Variants in HPS1 observed in about 807,000 individuals in gnomAD.
HPS1 encodes HPS1 biogenesis of lysosomal organelles complex 3 subunit 1.
In HPS1, 59 loss-of-function variants were observed where a neutral mutation model predicts 90.6. The ratio of observed to expected loss-of-function variants is 0.65; its 90% confidence interval spans 0.53 to 0.81. HPS1 has a LOEUF of 0.81. Ranked by LOEUF, HPS1 falls within the 30% of genes least tolerant of loss-of-function variation. HPS1 has a pLI of 0.00. For missense variants in HPS1, 849 were observed against 896.7 expected (o/e 0.95, Z 0.68); for synonymous variants, 388 against 384.4 (o/e 1.01, Z -0.11).
Position 98,435,379 on chromosome 10 carries a change from G to T in HPS1, c.291C>A (p.Asp97Glu). The change falls in exon 5 of 20, where the codon GAC becomes GAA. Residue 97 changes from aspartate (D) to glutamate (E), a missense_variant. Physicochemically the swap from Asp to Glu is conservative, Grantham distance 45. Transcript: ENST00000361490. The surrounding 1 kb of genome is among the most constrained non-coding windows in gnomAD (Gnocchi z 4.3). ...GECLFIAING[D>E]HTESEGDLRR... ...GCAGGTCCCCCTCGCTCTCGGTGTG[G>T]TCACCATTGATGGCAATGAACAGGC... 1 of 1,613,906 alleles carries T rather than the reference G, an allele frequency of 6.2e-7. No homozygotes were observed. The highest frequency in any genetic ancestry group is 8.5e-7 in the Non-Finnish European group (1 of 1,180,006).
intron 10 of HPS1, 100 bp from the exon 11 acceptor site, chr10:98,427,364 C>T (rs2136171311): frequency 1.0e-6 from 1 of 993,064 alleles, no homozygotes; most frequent in East Asian, 2.6e-5. Flanking sequence ...CCCACAACCT[C>T]AGCCCTTGGC....
chr10:98,435,557 G>A lies in HPS1; in HGVS notation c.255+78C>T. ...TTTCTGCCTTCTAAAGGAGTCTAAA[G>A]TTCCAAATAAGAGAGGCCTGTGGAC... On this transcript the variant is annotated intron_variant, in intron 4 of 19. Coordinates refer to ENST00000361490, the MANE Select transcript of HPS1 (RefSeq NM_000195.5). This position sits in a 1 kb window ranked among gnomAD's most constrained non-coding sequence, Gnocchi z 4.3. 1 of 1,609,646 alleles carries A rather than the reference G, an allele frequency of 6.2e-7. No homozygotes were observed.
Position 98,417,613 on chromosome 10 carries a change from C to T in HPS1, c.2054G>A (p.Gly685Asp). Residue 685 changes from glycine (G) to aspartate (D), a missense_variant, in exon 20 of 20, where the codon GGC becomes GAC. Gly to Asp is a moderately conservative substitution (Grantham distance 94, BLOSUM62 -1). Transcript: ENST00000361490. The surrounding 1 kb of genome is among the most constrained non-coding windows in gnomAD (Gnocchi z 4.2). The part of the protein sequence containing the change: ...IPTDLLVQQA[G>D]QLARRLWEAS... ...CTCCCAGAGGCGCCGGGCCAGCTGG[C>T]CGGCCTGCTGCACCAGCAGGTCAGT... The T allele has an allele frequency of 6.2e-7, 1 of 1,612,704 alleles. No homozygotes were observed. The highest frequency in any genetic ancestry group is 1.7e-5 in the Admixed American group (1 of 59,984).
At chr10:98,442,436 A>C (rs1357502528) in intron 3 of HPS1, 2 of 155,204 alleles carry the variant, frequency 1.3e-5, no homozygotes, top group Non-Finnish European at 2.9e-5. Context: ...CAAATTATGC[A>C]CTTTAAATAT....
intron 10 of HPS1, 37 bp from the exon 11 acceptor site, chr10:98,427,301 C>T (rs1845743948): frequency 2.6e-6 from 4 of 1,525,954 alleles, no homozygotes; most frequent in Non-Finnish European, 3.6e-6. Context: ...GATGTAAGTA[C>T]CATGAGATGT....
downstream of HPS1, chr10:98,415,219 G>A: frequency 6.6e-7 from 1 of 1,505,506 alleles, no homozygotes; most frequent in South Asian, 1.3e-5. Flanking sequence ...GTGGAGCAGG[G>A]AGGAAGCAGG....
chr10:98,421,902 A>G (rs1198825476), intron 17 of HPS1, among the ~76,000 whole-genome samples: 1 of 151,838 alleles, frequency 6.6e-6, no homozygotes, highest in Non-Finnish European at 1.5e-5. Flanking sequence ...CCATCTTCCC[A>G]TCTTGTTTTA....
rs909944821 is a variant in HPS1 at position 98,429,124 on chromosome 10, G to A, written c.937+449C>T. On this transcript the variant is annotated intron_variant, in intron 10 of 19. Coordinates refer to ENST00000361490, the MANE Select transcript of HPS1 (RefSeq NM_000195.5). ...CCCAAAGTGCTGGGATTACAGGCGT[G>A]AGCCACCACACCTCAACCATTTTGA... 11 of 940,552 alleles carry A rather than the reference G, an allele frequency of 1.2e-5. No individual in the cohort carries two copies. In the South Asian group the frequency reaches 3.0e-4, roughly 26 times the overall value. 58.3% of individuals were successfully genotyped at this position (940,552 alleles called of 1,614,324 possible). A position where few individuals can be genotyped will look rare whatever the true frequency, so the allele number is the denominator to read the frequency against.
chr10:98,418,136 G>T, intron 19 of HPS1, 39 bp downstream of exon 19: 1 of 1,354,050 alleles, frequency 7.4e-7, no homozygotes, highest in Non-Finnish European at 1.0e-6. Flanking sequence ...TCACCCAAAT[G>T]GGGGCATCTG....
chr10:98,424,352 G>A lies in HPS1; in HGVS notation c.1358C>T (p.Ala453Val), dbSNP rs750952142. 1 of 1,612,874 alleles carries A rather than the reference G, an allele frequency of 6.2e-7. No homozygotes were observed. The highest frequency in any genetic ancestry group is 1.1e-5 in the South Asian group (1 of 90,648). ...GGGCTCACTTTTGGAGAAAGCCTTG[G>A]CCTTAAACTCCAGCCAGGTGCTCTG... ...EIQSTWLEFKAKAFSKSEPGS... is the reference protein window; with the variant it reads ...EIQSTWLEFKVKAFSKSEPGS... Residue 453 changes from alanine (A) to valine (V), a missense_variant, in exon 14 of 20, where the codon GCC becomes GTC. Coordinates refer to ENST00000361490, the MANE Select transcript of HPS1 (RefSeq NM_000195.5).
Position 98,417,429 on chromosome 10 carries a change from C to T in HPS1, c.*135G>A. On this transcript the variant is annotated 3_prime_UTR_variant, in exon 20 of 20. Transcript: ENST00000361490. The surrounding 1 kb of genome is among the most constrained non-coding windows in gnomAD (Gnocchi z 4.2). ...GGTGGTCTAGGTGGGGTTTTAGAAG[C>T]CCTGGGGCCACCCTGGGCACTCTGC... The T allele has an allele frequency of 1.4e-6, 1 of 730,856 alleles. No individual in the cohort carries two copies. Among genetic ancestry groups the T allele is most frequent in the Non-Finnish European group, 2.2e-6 (1 of 454,272 alleles). 45.3% of individuals were successfully genotyped at this position (730,856 alleles called of 1,614,324 possible).
chr10:98,419,152 G>A (rs1229857386), intron 18 of HPS1, among the ~76,000 whole-genome samples: 1 of 151,912 alleles, frequency 6.6e-6, no homozygotes, highest in South Asian at 2.1e-4. Flanking sequence ...CAGTGGTGGA[G>A]AGCCCCAGTA....
intron 14 of HPS1, 87 bp from the exon 15 acceptor site, chr10:98,423,974 G>T: frequency 1.9e-6 from 3 of 1,548,790 alleles, no homozygotes; most frequent in Non-Finnish European, 2.6e-6. Context: ...CTGCACCCAG[G>T]ACAGACAGAC....
chr10:98,426,021 T>C, intron 11 of HPS1, 36 bp from the exon 12 acceptor site: 1 of 1,598,664 alleles, frequency 6.3e-7, no homozygotes, highest in Non-Finnish European at 8.6e-7. Context: ...AGAGGTGGGA[T>C]CCCTAAGTTG....
chr10:98,416,012 G>C (rs1044354446), downstream of HPS1, among the ~76,000 whole-genome samples: 5 of 152,132 alleles, frequency 3.3e-5, no homozygotes, highest in Non-Finnish European at 5.9e-5. Context: ...TGTTCCCCTA[G>C]GAGGAAAAAA....
At chr10:98,423,287 C>CCG (rs1044270381) in intron 16 of HPS1, among the ~76,000 whole-genome samples, 5 of 148,852 alleles carry the variant, frequency 3.4e-5, no homozygotes, top group South Asian at 4.2e-4. Flanking sequence ...GAACCCCCCC[C>CCG]CCGGTCCCCA....
chr10:98,434,147 C>T (rs546426679), intron 5 of HPS1, 56 bp from the exon 6 acceptor site: 22 of 1,511,220 alleles, frequency 1.5e-5, no homozygotes, highest in Non-Finnish European at 2.0e-5. Flanking sequence ...GTCTCCCCCA[C>T]ACCCAACCAA....
Position 98,435,871 on chromosome 10 carries a change from G to A in HPS1, c.118-99C>T. 2 of 1,479,956 alleles carry A rather than the reference G, an allele frequency of 1.4e-6. No homozygotes were observed. Among genetic ancestry groups the A allele is most frequent in the Non-Finnish European group, 1.9e-6 (2 of 1,066,482 alleles). The allele number at this position is 1,479,956 out of a possible 1,614,324, so 91.7% of individuals were successfully genotyped here. A position where few individuals can be genotyped will look rare whatever the true frequency, so the allele number is the denominator to read the frequency against. On this transcript the variant is annotated intron_variant, in intron 3 of 19. Coordinates refer to ENST00000361490, the MANE Select transcript of HPS1 (RefSeq NM_000195.5). The surrounding 1 kb of genome is among the most constrained non-coding windows in gnomAD (Gnocchi z 4.3). The stretch of plus-strand genomic sequence containing the variant: ...GCCTTGATATCAAGGGTTCCATAGT[G>A]TTAGACCCTCCTGGGAGGGTATCAC...
chr10:98,429,334 T>C (rs1289143390), intron 10 of HPS1: 1 of 1,445,804 alleles, frequency 6.9e-7, no homozygotes, highest in African/African-American at 1.4e-5. Flanking sequence ...TTTAAATGAA[T>C]CAACTTGTCA....
Sources: gnomAD v4.1 joint callset for allele counts (sites outside exome capture counted in the v4.1 genomes callset) on GRCh38, gnomAD v4.1.1 for gene constraint, Gnocchi (gnomAD v3.1) non-coding constraint, MANE v1.5 for transcripts, NCBI Gene and HGNC (gene_info 2026-07-23, HGNC 2026-07-21) for gene names.